TRPM3: variants seen among roughly 807,000 people sequenced by gnomAD.
The protein encoded by TRPM3 is transient receptor potential cation channel subfamily M member 3.
A neutral mutation model predicts 181.2 loss-of-function variants in TRPM3; 77 were observed. The ratio of observed to expected loss-of-function variants is 0.42; its 90% CI spans 0.35 to 0.51. The LOEUF is 0.51. Ranked by LOEUF, TRPM3 falls within the 20% of genes least tolerant of loss-of-function variation. The pLI, the probability that TRPM3 is intolerant of heterozygous loss-of-function variation, is 0.01. For missense variants in TRPM3, 1,759 were observed against 2,196.7 expected, an observed-to-expected ratio of 0.80 and a Z score of 3.98; for synonymous variants, 745 against 796.4, an observed-to-expected ratio of 0.94 and a Z score of 1.09.
At chr9:70,827,675 T>C (rs1284149990) in intron 6 of TRPM3, 172 bp downstream of exon 6, 2 of 702,440 alleles carry the variant, frequency 2.8e-6, no homozygotes, top group Middle Eastern at 3.4e-4. Context: ...ACGCCTCCAA[T>C]TGTTCTCCTC....
At chr9:70,694,952 T>A (rs2069849168) in intron 8 of TRPM3, among the ~76,000 whole-genome samples, 2 of 152,220 alleles carry the variant, frequency 1.3e-5, no homozygotes, top group African/African-American at 2.4e-5. Context: ...CAAAGTAAGC[T>A]AAGTGTCACG....
chr9:71,420,619 C>CAGAAAAAGAAAA (rs992589016), intron 1 of TRPM3, among the ~76,000 whole-genome samples: 2 of 84,886 alleles, frequency 2.4e-5, no homozygotes, highest in Admixed American at 1.2e-4. Context: ...GAAAGAAAGA[C>CAGAAAAAGAAAA]AGAAAAAGAA....
chr9:71,215,624 C>G (rs934177062), intron 1 of TRPM3, among the ~76,000 whole-genome samples: 14 of 152,054 alleles, frequency 9.2e-5, no homozygotes, highest in African/African-American at 3.4e-4. Context: ...ATTTTTTAGA[C>G]CATGGTTAGG....
intron 8 of TRPM3, among the ~76,000 whole-genome samples, chr9:70,701,857 G>A (rs2072678227): frequency 6.6e-6 from 1 of 151,720 alleles, no homozygotes; most frequent in Non-Finnish European, 1.5e-5. Flanking sequence ...TTGTACATGT[G>A]TGAGTCTACA....
intron 22 of TRPM3, among the ~76,000 whole-genome samples, chr9:70,570,084 G>C (rs2051794729): frequency 6.6e-6 from 1 of 152,002 alleles, no homozygotes; most frequent in Non-Finnish European, 1.5e-5. Flanking sequence ...AATATTTAGT[G>C]CTCAAGATTG....
chr9:71,284,116 G>GTTT (rs5898193), intron 1 of TRPM3, among the ~76,000 whole-genome samples: 3 of 151,942 alleles, frequency 2.0e-5, no homozygotes, highest in African/African-American at 7.3e-5. Flanking sequence ...GCTTCAATGG[G>GTTT]TTTTTTACCA....
At position 71,121,256 on chromosome 9, in the gene TRPM3, A is replaced by C; in HGVS notation, c.99T>G (p.Ala33=). 1 of 1,614,188 alleles carries C rather than the reference A, an allele frequency of 6.2e-7. No individual in the cohort carries two copies. Among genetic ancestry groups the C allele is most frequent in the Non-Finnish European group, 8.5e-7 (1 of 1,180,008 alleles). ...TCCAGTTTAGGGGTCGAGGAGCATC[A>C]GCCTGATTCATGACCCCTTCCAAAT... ...WWNLEGVMNQ[A]DAPRPLNWTI... is the part of the protein sequence containing the mutation. The change falls in exon 1 of 26, where the codon GCT becomes GCG. Residue 33 remains alanine, a synonymous_variant. Coordinates refer to ENST00000677713, the MANE Select transcript of TRPM3 (RefSeq NM_001366145.2).
chr9:70,917,152 A>G, intron 1 of TRPM3: 1 of 1,605,904 alleles, frequency 6.2e-7, no homozygotes, highest in South Asian at 1.1e-5. Context: ...CATCTGGGGC[A>G]TACTGGTCCA....
chr9:71,072,693 G>T (rs1284520490), intron 1 of TRPM3, among the ~76,000 whole-genome samples: 1 of 152,138 alleles, frequency 6.6e-6, no homozygotes, highest in Non-Finnish European at 1.5e-5. Context: ...GAAAGAGTGA[G>T]GGTCGTAATC....
At chr9:71,246,543 G>A (rs2082043920) in intron 1 of TRPM3, among the ~76,000 whole-genome samples, 1 of 152,082 alleles carries the variant, frequency 6.6e-6, no homozygotes, top group South Asian at 2.1e-4. Flanking sequence ...TAACTAAAAG[G>A]AAAAAGAAAA....
At chr9:71,069,196 C>A (rs1189723120) in intron 1 of TRPM3, among the ~76,000 whole-genome samples, 3 of 152,176 alleles carry the variant, frequency 2.0e-5, no homozygotes, top group Non-Finnish European at 4.4e-5. Flanking sequence ...ATATGTAGCA[C>A]CAGGTAAGAT....
intron 1 of TRPM3, among the ~76,000 whole-genome samples, chr9:71,438,062 T>C (rs10116204): frequency 0.89 from 134,743 of 152,016 alleles, 60,350 homozygotes; most frequent in Non-Finnish European, 0.96. Context: ...GTCAAATCAC[T>C]AGTTCATAGG....
intron 7 of TRPM3, among the ~76,000 whole-genome samples, chr9:70,773,436 A>G (rs2080736231): frequency 6.6e-6 from 1 of 152,224 alleles, no homozygotes. Flanking sequence ...TCTAAAAAAT[A>G]TTAATTTCAA....
At chr9:70,940,095 C>G (rs189730500) in intron 1 of TRPM3, among the ~76,000 whole-genome samples, 328 of 152,208 alleles carry the variant, frequency 2.2e-3, no homozygotes, top group African/African-American at 7.5e-3. Flanking sequence ...TTATAAGGAG[C>G]TTTTTATGTA....
chr9:70,776,194 A>G (rs552233134), intron 7 of TRPM3: 2 of 378,046 alleles, frequency 5.3e-6, no homozygotes, highest in Non-Finnish European at 9.3e-6. Context: ...TACATATTGC[A>G]CCTCTACCTG....
At chr9:70,581,935 CCTT>C (rs1032740401) in intron 22 of TRPM3, among the ~76,000 whole-genome samples, 2 of 137,102 alleles carry the variant, frequency 1.5e-5, no homozygotes, top group African/African-American at 5.1e-5. Context: ...TCCTTCCCTC[CCTT>C]TTTTCCTTGT....
chr9:70,636,362 G>A (rs937700955), intron 11 of TRPM3, among the ~76,000 whole-genome samples: 4 of 151,846 alleles, frequency 2.6e-5, no homozygotes, highest in African/African-American at 9.7e-5. Context: ...ACAGTTTGCT[G>A]TAACTTGATT....
At chr9:70,572,697 CCTT>C (rs2052780346) in intron 22 of TRPM3, among the ~76,000 whole-genome samples, 1 of 152,066 alleles carries the variant, frequency 6.6e-6, no homozygotes, top group African/African-American at 2.4e-5. Flanking sequence ...GATGAAATGC[CCTT>C]CTTTTTATAA....
chr9:71,120,976 T>A (rs1009232686), intron 1 of TRPM3, among the ~76,000 whole-genome samples: 2 of 148,254 alleles, frequency 1.3e-5, no homozygotes, highest in South Asian at 4.4e-4. Flanking sequence ...ACCAGCCTCT[T>A]GTCTCTGACA....
Sources: gnomAD v4.1 joint callset for allele counts (sites outside exome capture counted in the v4.1 genomes callset) on GRCh38, gnomAD v4.1.1 for gene constraint, MANE v1.5 for transcripts, NCBI Gene and HGNC (gene_info 2026-07-23, HGNC 2026-07-21) for gene names.